Variants in POPDC1 observed in about 807,000 individuals in gnomAD.
POPDC1 encodes the protein popeye domain cAMP effector 1.
the POPDC1 span, among the ~76,000 whole-genome samples, chr6:105,115,280 G>T: frequency 2.0e-5 from 3 of 152,114 alleles, no homozygotes; most frequent in Non-Finnish European, 2.9e-5. Context: ...AGTAGAGACG[G>T]GGTTTCACCG....
chr6:105,108,786 A>G, the POPDC1 span, among the ~76,000 whole-genome samples: 1 of 152,232 alleles, frequency 6.6e-6, no homozygotes, highest in Non-Finnish European at 1.5e-5. Context: ...CGTAAAGCAC[A>G]ATAATCTCAA....
chr6:105,104,727 A>G, the POPDC1 span, among the ~76,000 whole-genome samples: 5 of 152,240 alleles, frequency 3.3e-5, no homozygotes, highest in East Asian at 9.7e-4. Context: ...GGACAAGAAC[A>G]CCGTTCTCTC....
At chr6:105,135,650 A>C in the POPDC1 span, among the ~76,000 whole-genome samples, 1 of 152,154 alleles carries the variant, frequency 6.6e-6, no homozygotes, top group Admixed American at 6.5e-5. Context: ...GAACCAGAAA[A>C]TATTATTAGC....
the POPDC1 span, among the ~76,000 whole-genome samples, chr6:105,117,968 C>A: frequency 6.6e-5 from 10 of 152,076 alleles, no homozygotes; most frequent in Non-Finnish European, 1.5e-4. Flanking sequence ...ATCACCTGAG[C>A]CCAGGAAGGT....
At chr6:105,119,491 G>A in the POPDC1 span, among the ~76,000 whole-genome samples, 116 of 152,260 alleles carry the variant, frequency 7.6e-4, 1 homozygote, top group Admixed American at 1.8e-3. Context: ...TGACCCTGGG[G>A]AATTCCCACA....
At chr6:105,115,754 GC>G in the POPDC1 span, 3 of 1,614,124 alleles carry the variant, frequency 1.9e-6, no homozygotes, top group Non-Finnish European at 2.5e-6. Context: ...ACTGGAGCTG[GC>G]TATACTGTTC....
chr6:105,116,516 A>G, the POPDC1 span, among the ~76,000 whole-genome samples: 1 of 152,218 alleles, frequency 6.6e-6, no homozygotes, highest in Non-Finnish European at 1.5e-5. Flanking sequence ...TGACAATTGT[A>G]GACTCCTTAC....
chr6:105,108,618 AG>A, the POPDC1 span, among the ~76,000 whole-genome samples: 3 of 152,200 alleles, frequency 2.0e-5, no homozygotes, highest in Non-Finnish European at 4.4e-5. Context: ...GAAAAAAGAG[AG>A]TCAAGGCATA....
chr6:105,130,892 A>C, the POPDC1 span, among the ~76,000 whole-genome samples: 1 of 152,202 alleles, frequency 6.6e-6, no homozygotes, highest in Admixed American at 6.5e-5. Flanking sequence ...GGAATTATGT[A>C]TACTTTATTT....
chr6:105,109,037 T>C, the POPDC1 span, among the ~76,000 whole-genome samples: 1 of 152,210 alleles, frequency 6.6e-6, no homozygotes, highest in South Asian at 2.1e-4. Flanking sequence ...CTTGACTCAC[T>C]GCAACCTCAA....
chr6:105,117,019 G>A, the POPDC1 span: 5 of 754,894 alleles, frequency 6.6e-6, no homozygotes, highest in East Asian at 1.5e-4. Flanking sequence ...ATGCACACAA[G>A]CTTCTACACG....
chr6:105,099,221 C>G, the POPDC1 span: 1 of 152,332 alleles, frequency 6.6e-6, no homozygotes, highest in African/African-American at 2.4e-5. Context: ...GAACTGGATT[C>G]AGAGTCTGTG....
the POPDC1 span, among the ~76,000 whole-genome samples, chr6:105,121,579 T>C: frequency 6.6e-6 from 1 of 152,156 alleles, no homozygotes; most frequent in Non-Finnish European, 1.5e-5. Flanking sequence ...ACTTTCATCT[T>C]TTGTAATAAT....
At chr6:105,129,507 T>C in the POPDC1 span, 2 of 1,600,232 alleles carry the variant, frequency 1.2e-6, no homozygotes, top group East Asian at 2.2e-5. Flanking sequence ...GTACATCCTG[T>C]TGAAGAGCAA....
the POPDC1 span, among the ~76,000 whole-genome samples, chr6:105,112,568 C>G: frequency 6.6e-6 from 1 of 152,050 alleles, no homozygotes; most frequent in Non-Finnish European, 1.5e-5. Context: ...CCTAGTAATC[C>G]AGTGATAAGA....
At chr6:105,103,281 G>T in the POPDC1 span, among the ~76,000 whole-genome samples, 1 of 152,152 alleles carries the variant, frequency 6.6e-6, no homozygotes, top group African/African-American at 2.4e-5. Flanking sequence ...TAACCACTTT[G>T]TAAATATTTG....
the POPDC1 span, among the ~76,000 whole-genome samples, chr6:105,105,008 C>T: frequency 6.6e-6 from 1 of 152,144 alleles, no homozygotes; most frequent in Non-Finnish European, 1.5e-5. Flanking sequence ...TGAAAGAAAA[C>T]AGAGAGGGGT....
the POPDC1 span, among the ~76,000 whole-genome samples, chr6:105,112,216 A>G: frequency 1.3e-5 from 2 of 152,200 alleles, no homozygotes; most frequent in Non-Finnish European, 2.9e-5. Flanking sequence ...AAACCAAAAA[A>G]CCAAAACAAA....
chr6:105,118,534 C>A, the POPDC1 span, among the ~76,000 whole-genome samples: 1 of 152,128 alleles, frequency 6.6e-6, no homozygotes, highest in Non-Finnish European at 1.5e-5. Flanking sequence ...TATGAAGTTA[C>A]AATGGTAAAT....
Sources: allele counts gnomAD v4.1 joint callset (sites outside exome capture counted in the v4.1 genomes callset), GRCh38; gene constraint gnomAD v4.1.1; transcripts MANE v1.5; gene names NCBI Gene and HGNC (gene_info 2026-07-23, HGNC 2026-07-21).